Variants in GABRB2 observed in about 807,000 individuals in gnomAD.
GABRB2 encodes the protein gamma-aminobutyric acid type A receptor subunit beta2.
In GABRB2, 16 loss-of-function variants were observed where a neutral mutation model predicts 54.7. The observed-to-expected ratio is 0.29, with a 90% CI of 0.20 to 0.44. The LOEUF is 0.44. Among genes scored for constraint, GABRB2 ranks in the 20% least tolerant of loss-of-function variants. The probability of loss-of-function intolerance (pLI) is 1.00; values close to 1 mark genes in which losing one functional copy is unlikely to be tolerated. For missense variants in GABRB2, 355 were observed against 644.0 expected (o/e 0.55, Z 4.86); for synonymous variants, 244 against 233.8 (o/e 1.04, Z -0.40).
At chr5:161,506,691 A>G (rs1167934259) in intron 3 of GABRB2, among the ~76,000 whole-genome samples, 1 of 152,100 alleles carries the variant, frequency 6.6e-6, no homozygotes, top group Admixed American at 6.5e-5. Flanking sequence ...GAAGTTTACC[A>G]ACCACTACTC....
chr5:161,339,840 A>C (rs1389688410), intron 5 of GABRB2, among the ~76,000 whole-genome samples: 2 of 152,032 alleles, frequency 1.3e-5, no homozygotes, highest in South Asian at 2.1e-4. Flanking sequence ...CAAATGATAG[A>C]GTAAGGACTT....
At chr5:161,310,722 A>C (rs1757840840) in intron 9 of GABRB2, among the ~76,000 whole-genome samples, 1 of 152,206 alleles carries the variant, frequency 6.6e-6, no homozygotes, top group African/African-American at 2.4e-5. Flanking sequence ...TCTTTTTCAA[A>C]AAATAAAAAA....
At chr5:161,508,210 A>G (rs377623211) in intron 3 of GABRB2, among the ~76,000 whole-genome samples, 3 of 151,604 alleles carry the variant, frequency 2.0e-5, no homozygotes, top group African/African-American at 7.3e-5. Flanking sequence ...ACCTAGCTAC[A>G]TGTGCTGTGA....
intron 3 of GABRB2, among the ~76,000 whole-genome samples, chr5:161,495,486 T>C (rs1400099644): frequency 6.6e-6 from 1 of 152,082 alleles, no homozygotes; most frequent in Admixed American, 6.6e-5. Context: ...ATTTTTTTAA[T>C]GATTTTTTTC....
rs1757272555 is a variant in GABRB2, at chr5:161,292,774, T to C, written c.*1307A>G. The C allele has an allele frequency of 6.6e-6, 1 of 152,204 alleles. No homozygotes were observed. Among genetic ancestry groups the C allele is most frequent in the Non-Finnish European group, 1.5e-5 (1 of 68,028 alleles). 9.4% of individuals were successfully genotyped at this position (152,204 alleles called of 1,614,324 possible). A position where few individuals can be genotyped will look rare whatever the true frequency, so the allele number is the denominator to read the frequency against. ...TAACTCTCTGTGTGTTCATACTCCT[T>C]GAAGTATTATTTGCTTTGAAAAATA... On this transcript the variant is annotated 3_prime_UTR_variant, in exon 10 of 10. Coordinates refer to ENST00000393959, the MANE Select transcript of GABRB2 (RefSeq NM_001371727.1).
At chr5:161,433,337 T>C (rs1251354003) in intron 4 of GABRB2, among the ~76,000 whole-genome samples, 1 of 151,724 alleles carries the variant, frequency 6.6e-6, no homozygotes, top group Admixed American at 6.6e-5. Context: ...TGATGGCTCA[T>C]GCCTGTAATC....
intron 5 of GABRB2, among the ~76,000 whole-genome samples, chr5:161,382,330 G>A (rs1291723696): frequency 1.3e-5 from 2 of 152,122 alleles, no homozygotes; most frequent in Non-Finnish European, 2.9e-5. Flanking sequence ...CAAAGTTACT[G>A]AGATACTCAT....
chr5:161,481,394 C>A lies in GABRB2; in HGVS notation c.238-21550G>T, dbSNP rs1484856518. 2.6e-5 allele frequency among the ~76,000 whole-genome samples: 4 copies of A among 151,984 alleles called. No homozygotes were observed. The East Asian group carries it at 7.7e-4, about 29-fold the overall frequency. ...TTCTAATTATTACTCATACGTACTA[C>A]TGAAAAGAAATTGCCGTAGACAGAG... On this transcript the variant is annotated intron_variant, in intron 3 of 9. Coordinates refer to ENST00000393959, the MANE Select transcript of GABRB2 (RefSeq NM_001371727.1).
intron 3 of GABRB2, among the ~76,000 whole-genome samples, chr5:161,524,183 C>A (rs192570876): frequency 1.0e-3 from 157 of 151,336 alleles, no homozygotes; most frequent in Admixed American, 2.8e-3. Flanking sequence ...TGTATTAATT[C>A]TCCTTCTTAC....
At chr5:161,516,168 A>C (rs1759941052) in intron 3 of GABRB2, among the ~76,000 whole-genome samples, 1 of 152,222 alleles carries the variant, frequency 6.6e-6, no homozygotes, top group South Asian at 2.1e-4. Flanking sequence ...GAACCTAAAT[A>C]AATTAAAGAC....
chr5:161,393,615 T>C (rs1755903913), intron 5 of GABRB2, among the ~76,000 whole-genome samples: 1 of 152,112 alleles, frequency 6.6e-6, no homozygotes, highest in Admixed American at 6.6e-5. Context: ...GTTATTTTAA[T>C]ATCCTATAAA....
At chr5:161,488,364 T>C (rs1758990623) in intron 3 of GABRB2, among the ~76,000 whole-genome samples, 1 of 151,732 alleles carries the variant, frequency 6.6e-6, no homozygotes, top group Non-Finnish European at 1.5e-5. Context: ...GTAAACCTTG[T>C]TCCTTAGCCT....
chr5:161,334,024 C>T (rs1753923489), intron 7 of GABRB2, among the ~76,000 whole-genome samples: 1 of 152,102 alleles, frequency 6.6e-6, no homozygotes, highest in Non-Finnish European at 1.5e-5. Flanking sequence ...AGGTATTTAA[C>T]AATTACTTGT....
chr5:161,349,687 G>T (rs1199804456), intron 5 of GABRB2, among the ~76,000 whole-genome samples: 1 of 152,074 alleles, frequency 6.6e-6, no homozygotes, highest in Non-Finnish European at 1.5e-5. Flanking sequence ...CCCATGGAGA[G>T]ACTCGCATGG....
chr5:161,495,975 G>T (rs1388278128), intron 3 of GABRB2, among the ~76,000 whole-genome samples: 1 of 152,118 alleles, frequency 6.6e-6, no homozygotes, highest in African/African-American at 2.4e-5. Flanking sequence ...GGACTTATGA[G>T]AAGTCAGGAA....
At chr5:161,460,284 G>C (rs1051770066) in intron 3 of GABRB2, among the ~76,000 whole-genome samples, 1 of 152,122 alleles carries the variant, frequency 6.6e-6, no homozygotes, top group Non-Finnish European at 1.5e-5. Context: ...GTGTGTGTGT[G>C]TGTGTGTGTG....
At chr5:161,378,903 G>A (rs1755386021) in intron 5 of GABRB2, among the ~76,000 whole-genome samples, 1 of 152,276 alleles carries the variant, frequency 6.6e-6, no homozygotes, top group Admixed American at 6.5e-5. Flanking sequence ...ATGTTGCAAA[G>A]GAGCACCTGC....
intron 3 of GABRB2, among the ~76,000 whole-genome samples, chr5:161,509,274 T>C (rs930192334): frequency 6.6e-6 from 1 of 152,004 alleles, no homozygotes; most frequent in African/African-American, 2.4e-5. Flanking sequence ...TTTTGTAAGA[T>C]AAAAAAGCTT....
chr5:161,546,071 A>G (rs909376535), intron 2 of GABRB2, among the ~76,000 whole-genome samples: 1 of 152,272 alleles, frequency 6.6e-6, no homozygotes, highest in Non-Finnish European at 1.5e-5. Flanking sequence ...CAAAGGATTC[A>G]TAACAGTGAA....
Sources: gnomAD v4.1 joint callset for allele counts (sites outside exome capture counted in the v4.1 genomes callset) on GRCh38, gnomAD v4.1.1 for gene constraint, MANE v1.5 for transcripts, NCBI Gene and HGNC (gene_info 2026-07-23, HGNC 2026-07-21) for gene names.